The following NPRL3 variants were observed in gnomAD, a reference collection of about 807,000 sequenced individuals.
The protein encoded by NPRL3 is GATOR1 complex protein NPRL3.
Under a neutral mutation model 57.2 loss-of-function variants are expected in NPRL3, and 23 were observed. The observed-to-expected ratio is 0.40, with a 90% CI of 0.29 to 0.57. The LOEUF (loss-of-function observed/expected upper bound fraction) is 0.57, where lower values mean the gene tolerates loss of function less well. Among genes scored for constraint, NPRL3 ranks in the 20% least tolerant of loss-of-function variants. The probability of loss-of-function intolerance (pLI) is 0.42; values close to 1 mark genes in which losing one functional copy is unlikely to be tolerated. For synonymous variants in NPRL3, 333 were observed against 321.1 expected (o/e 1.04, Z -0.39); for missense variants, 691 against 767.1 (o/e 0.90, Z 1.17).
intron 3 of NPRL3, chr16:123,519 T>A (rs1161679999): frequency 2.1e-6 from 1 of 470,922 alleles, no homozygotes; most frequent in South Asian, 1.5e-5. Flanking sequence ...TGCAACCAAT[T>A]GCTCATCGGT....
chr16:135,841 A>G (rs1901049640), intron 2 of NPRL3, among the ~76,000 whole-genome samples: 1 of 152,140 alleles, frequency 6.6e-6, no homozygotes, highest in Non-Finnish European at 1.5e-5. Flanking sequence ...TACATTAAAT[A>G]TATAAAGAAC....
intron 7 of NPRL3, among the ~76,000 whole-genome samples, chr16:107,415 C>T (rs1223831528): frequency 1.3e-5 from 2 of 151,958 alleles, no homozygotes; most frequent in African/African-American, 2.4e-5. Context: ...GAGGCCGAGC[C>T]GGGCGGATCT....
intron 3 of NPRL3, 37 bp downstream of exon 3, chr16:130,485 G>C: frequency 1.3e-6 from 2 of 1,538,926 alleles, no homozygotes; most frequent in East Asian, 4.9e-5. Context: ...CTGGGACCAG[G>C]ACACGCCCCG....
intron 11 of NPRL3, chr16:90,728 T>A (rs983904833): frequency 3.3e-5 from 5 of 152,248 alleles, no homozygotes; most frequent in African/African-American, 1.2e-4. Flanking sequence ...GGTCACCTCC[T>A]GGGAGGGGGC....
At chr16:122,290 G>A (rs1900317117) in intron 3 of NPRL3, among the ~76,000 whole-genome samples, 1 of 151,398 alleles carries the variant, frequency 6.6e-6, no homozygotes, top group Non-Finnish European at 1.5e-5. Context: ...GTAGAGACAA[G>A]GTTTCACCAC....
In NPRL3 at chr16:86,093, G is replaced by A. The variant is rs921791417; in HGVS notation, c.*612C>T. ...CCTAGCAGGGCCAGCCCAGGCCCTCGTGCCCCAGATGGTCAGGACCAGGTC... is the reference window on the plus strand; with the variant it reads ...CCTAGCAGGGCCAGCCCAGGCCCTCATGCCCCAGATGGTCAGGACCAGGTC... On this transcript the variant is annotated 3_prime_UTR_variant, in exon 14 of 14. Transcript: ENST00000611875. 36 of 277,976 alleles carry A rather than the reference G, an allele frequency of 1.3e-4. No individual in the cohort carries two copies. Among genetic ancestry groups the A allele is most frequent in the Non-Finnish European group, 2.0e-4 (30 of 149,460 alleles). The allele number at this position is 277,976 out of a possible 1,614,324, so 17.2% of individuals were successfully genotyped here.
intron 13 of NPRL3, among the ~76,000 whole-genome samples, chr16:87,586 G>A (rs1898539290): frequency 6.7e-6 from 1 of 148,412 alleles, no homozygotes; most frequent in Non-Finnish European, 1.5e-5. Flanking sequence ...CAGGCTGGAG[G>A]TGCAGTGGCG....
intron 2 of NPRL3, among the ~76,000 whole-genome samples, chr16:132,636 C>CTAGA (rs1464344484): frequency 6.6e-6 from 1 of 150,602 alleles, no homozygotes; most frequent in Non-Finnish European, 1.5e-5. Flanking sequence ...GAATCACTAT[C>CTAGA]TATGGCAGCT....
At chr16:125,982 C>T (rs1900497970) in intron 3 of NPRL3, 1 of 152,074 alleles carries the variant, frequency 6.6e-6, no homozygotes. Flanking sequence ...TGGCCTAGGC[C>T]CAAGTGCAGC....
intron 2 of NPRL3, among the ~76,000 whole-genome samples, chr16:134,688 ATTATTATTTTT>A (rs963350205): frequency 9.8e-6 from 1 of 101,854 alleles, no homozygotes; most frequent in African/African-American, 3.7e-5. Context: ...CACAGTAATT[ATTATTATTTTT>A]TTTTTTTTTT....
chr16:118,574 C>T (rs377484565), intron 4 of NPRL3, among the ~76,000 whole-genome samples: 2 of 152,254 alleles, frequency 1.3e-5, no homozygotes, highest in African/African-American at 4.8e-5. Flanking sequence ...TCAGTAGAGA[C>T]CTAGAATGCA....
At position 88,840 on chromosome 16, in the gene NPRL3, C is replaced by T. The variant is rs752246132; in HGVS notation, c.1402G>A (p.Ala468Thr). Residue 468 changes from alanine (A) to threonine (T), a missense_variant, in exon 13 of 14, where the codon GCA becomes ACA. Physicochemically the swap from Ala to Thr is moderately conservative, Grantham distance 58. Coordinates refer to ENST00000611875, the MANE Select transcript of NPRL3 (RefSeq NM_001077350.3). The stretch of plus-strand genomic sequence containing the variant: ...GAGTCCCCGCTGGGAAGTAGCTCTG[C>T]GCTGGAGTTGTCCATGCTGGGGCTG... ...LTSPSMDNSS[A>T]ELLPSGDSPL... is the part of the protein sequence containing the mutation. 3.5e-5 allele frequency: 57 copies of T among 1,613,686 alleles called. No individual in the cohort carries two copies. Among genetic ancestry groups the T allele is most frequent in the South Asian group, 4.4e-5 (4 of 91,048 alleles).
In NPRL3 at chr16:93,063, G is replaced by A. The variant is rs1898831022; in HGVS notation, c.1031+156C>T. The A allele has an allele frequency of 4.6e-6, 3 of 647,618 alleles. No homozygotes were observed. The South Asian group carries it at 5.4e-5, about 12-fold the overall frequency. 40.1% of individuals were successfully genotyped at this position (647,618 alleles called of 1,614,324 possible). A position where few individuals can be genotyped will look rare whatever the true frequency, so the allele number is the denominator to read the frequency against. ...CAGACCAGAATTGGGACCTGGGTAT[G>A]CTAGTGGCCAGGAGTTAGGCTGAAG... is the stretch of plus-strand genomic sequence containing the variant. On this transcript the variant is annotated intron_variant, in intron 10 of 13. Transcript: ENST00000611875.
chr16:93,209 C>T lies in NPRL3; in HGVS notation c.1031+10G>A, dbSNP rs554242910. Reference sequence around the variant, plus strand: ...CGGGGCTCCAGGCTCTGGCAGCCAGCAGCACTCACAGACATACGCTGGCAT... The same window carrying T: ...CGGGGCTCCAGGCTCTGGCAGCCAGTAGCACTCACAGACATACGCTGGCAT... On this transcript the variant is annotated intron_variant, in intron 10 of 13. Coordinates refer to ENST00000611875, the MANE Select transcript of NPRL3 (RefSeq NM_001077350.3). The T allele has an allele frequency of 4.6e-6, 7 of 1,524,298 alleles. No homozygotes were observed. Among genetic ancestry groups the T allele is most frequent in the Non-Finnish European group, 5.3e-6 (6 of 1,121,816 alleles). 94.4% of individuals were successfully genotyped at this position (1,524,298 alleles called of 1,614,324 possible).
At chr16:107,785 G>A (rs1271970637) in intron 7 of NPRL3, among the ~76,000 whole-genome samples, 2 of 152,128 alleles carry the variant, frequency 1.3e-5, no homozygotes, top group Non-Finnish European at 2.9e-5. Flanking sequence ...CCTTGGCCTC[G>A]CCTGTGAGAT....
chr16:107,025 T>C (rs1899560996), intron 7 of NPRL3, among the ~76,000 whole-genome samples: 2 of 152,136 alleles, frequency 1.3e-5, no homozygotes, highest in Non-Finnish European at 2.9e-5. Context: ...GAAACATAGC[T>C]GCCAGCATCC....
At chr16:96,960 T>C (rs533037745) in intron 9 of NPRL3, among the ~76,000 whole-genome samples, 28 of 31,124 alleles carry the variant, frequency 9.0e-4, no homozygotes, top group Admixed American at 3.3e-3. Context: ...TCCCCTAACG[T>C]GCTAAGCAGA....
chr16:116,774 C>T (rs927901962), intron 5 of NPRL3, among the ~76,000 whole-genome samples: 1 of 143,268 alleles, frequency 7.0e-6, no homozygotes, highest in Non-Finnish European at 1.5e-5. Flanking sequence ...ACCAGCATGG[C>T]CAACATGGCG....
intron 3 of NPRL3, chr16:119,467 T>G (rs1900194415): frequency 3.4e-6 from 2 of 586,366 alleles, no homozygotes; most frequent in Non-Finnish European, 6.1e-6. Flanking sequence ...GTAAAAGGCA[T>G]GAGAAGCACA....
Sources: gnomAD v4.1 joint callset for allele counts (sites outside exome capture counted in the v4.1 genomes callset) on GRCh38, gnomAD v4.1.1 for gene constraint, MANE v1.5 for transcripts, NCBI Gene and HGNC (gene_info 2026-07-23, HGNC 2026-07-21) for gene names.